The following THSD4 variants were observed in gnomAD, a reference collection of about 807,000 sequenced individuals.
THSD4 encodes the protein thrombospondin type 1 domain containing 4, also known as thrombospondin type-1 domain-containing protein 4.
Under a neutral mutation model 119.0 loss-of-function variants are expected in THSD4, and 69 were observed. The observed-to-expected ratio is 0.58, with a 90% CI of 0.48 to 0.71. THSD4 has a LOEUF of 0.71. Among genes scored for constraint, THSD4 ranks in the 30% least tolerant of loss-of-function variants. The pLI is 0.00. For missense variants in THSD4, 1,393 were observed against 1,391.1 expected, an observed-to-expected ratio of 1.00 and a Z score of -0.02; for synonymous variants, 524 against 540.4, an observed-to-expected ratio of 0.97 and a Z score of 0.42.
intron 7 of THSD4, among the ~76,000 whole-genome samples, chr15:71,593,666 T>C (rs766265781): frequency 6.6e-6 from 1 of 151,848 alleles, no homozygotes; most frequent in Non-Finnish European, 1.5e-5. Flanking sequence ...GAGGCCGAGG[T>C]GGGTGGATTA....
chr15:71,464,210 C>G lies in THSD4; in HGVS notation c.1152+52387C>G, dbSNP rs146701880. On this transcript the variant is annotated intron_variant, in intron 7 of 17. Coordinates refer to ENST00000261862, the MANE Select transcript of THSD4 (RefSeq NM_024817.3). ...TTTCCCATCAGGATGTGACTTCCAT[C>G]GGACCAATCACCATGGGTAGGATAT... Among the ~76,000 whole-genome samples, 187 of 152,286 alleles carry G rather than the reference C, an allele frequency of 1.2e-3. 1 individual carries two copies. Among genetic ancestry groups the G allele is most frequent in the African/African-American group, 4.0e-3 (165 of 41,552 alleles).
At chr15:71,665,413 A>G (rs1031413117) in intron 8 of THSD4, among the ~76,000 whole-genome samples, 2 of 152,024 alleles carry the variant, frequency 1.3e-5, no homozygotes, top group African/African-American at 4.8e-5. Context: ...TGTCTGATGT[A>G]TAGTTTGCAA....
At chr15:71,669,947 A>G (rs16956030) in intron 8 of THSD4, among the ~76,000 whole-genome samples, 61,063 of 151,912 alleles carry the variant, frequency 0.4, 13,153 homozygotes, top group East Asian at 0.89. Flanking sequence ...TTATCTCAAG[A>G]CTCCAATATG....
At chr15:71,322,568 C>T (rs552543814) in intron 6 of THSD4, among the ~76,000 whole-genome samples, 70 of 152,298 alleles carry the variant, frequency 4.6e-4, no homozygotes, top group Non-Finnish European at 8.4e-4. Context: ...TATCTTAAAA[C>T]GTTTCTATAG....
intron 8 of THSD4, among the ~76,000 whole-genome samples, chr15:71,697,322 G>A (rs2052184657): frequency 1.3e-5 from 2 of 152,328 alleles, no homozygotes; most frequent in South Asian, 4.1e-4. Context: ...TCTATGAGAG[G>A]TGCATGAAAT....
chr15:71,715,195 G>A (rs186052826), intron 8 of THSD4, among the ~76,000 whole-genome samples: 1 of 152,306 alleles, frequency 6.6e-6, no homozygotes, highest in East Asian at 1.9e-4. Context: ...GGGTTCATTT[G>A]TGTCTCTACA....
chr15:71,447,690 T>A (rs1396037288), intron 7 of THSD4, among the ~76,000 whole-genome samples: 4 of 152,208 alleles, frequency 2.6e-5, no homozygotes, highest in African/African-American at 9.7e-5. Flanking sequence ...GTTGTGTCAA[T>A]TAGCGATGAC....
intron 7 of THSD4, among the ~76,000 whole-genome samples, chr15:71,585,480 A>G (rs1235091355): frequency 6.6e-6 from 1 of 152,200 alleles, no homozygotes; most frequent in African/African-American, 2.4e-5. Flanking sequence ...ATGAAGAGTC[A>G]CTTTTCTCTT....
At chr15:71,129,137 G>A (rs962067465) in intron 1 of THSD4, among the ~76,000 whole-genome samples, 25 of 152,300 alleles carry the variant, frequency 1.6e-4, no homozygotes, top group African/African-American at 5.1e-4. Context: ...TTATGCCACC[G>A]CTGAAGAAGG....
chr15:71,377,663 G>A (rs1027326423), intron 6 of THSD4, among the ~76,000 whole-genome samples: 1 of 152,012 alleles, frequency 6.6e-6, no homozygotes, highest in African/African-American at 2.4e-5. Flanking sequence ...CAACACCCAG[G>A]GTGCAGTGGG....
intron 6 of THSD4, among the ~76,000 whole-genome samples, chr15:71,382,585 A>G (rs1454747169): frequency 1.3e-5 from 2 of 152,128 alleles, no homozygotes; most frequent in African/African-American, 4.8e-5. Flanking sequence ...TTAACAATAT[A>G]ACACATCCTC....
chr15:71,496,790 C>T (rs1260326567), intron 7 of THSD4, among the ~76,000 whole-genome samples: 3 of 152,126 alleles, frequency 2.0e-5, no homozygotes, highest in Non-Finnish European at 4.4e-5. Context: ...CAGTCTCTAC[C>T]ATAAGCAATA....
chr15:71,197,067 AG>A (rs2140232972), intron 3 of THSD4, among the ~76,000 whole-genome samples: 1 of 152,298 alleles, frequency 6.6e-6, no homozygotes, highest in Admixed American at 6.5e-5. Flanking sequence ...TGCTCTTGAA[AG>A]CCCCAGGAAA....
At chr15:71,508,139 A>C (rs1470818574) in intron 7 of THSD4, among the ~76,000 whole-genome samples, 1 of 152,198 alleles carries the variant, frequency 6.6e-6, no homozygotes, top group African/African-American at 2.4e-5. Flanking sequence ...CTAGACAAGT[A>C]ATTCATATAG....
At chr15:71,679,669 CT>C (rs1181741995) in intron 8 of THSD4, among the ~76,000 whole-genome samples, 1 of 152,260 alleles carries the variant, frequency 6.6e-6, no homozygotes, top group Non-Finnish European at 1.5e-5. Context: ...ACATTTGAGA[CT>C]GCAAATACAG....
At chr15:71,650,340 G>C (rs1028287619) in intron 7 of THSD4, among the ~76,000 whole-genome samples, 4 of 152,178 alleles carry the variant, frequency 2.6e-5, no homozygotes, top group Non-Finnish European at 5.9e-5. Context: ...AAACCTGAAT[G>C]TGCATAGGAA....
chr15:71,290,353 G>A (rs923037159), intron 6 of THSD4, among the ~76,000 whole-genome samples: 1 of 152,202 alleles, frequency 6.6e-6, no homozygotes, highest in Non-Finnish European at 1.5e-5. Flanking sequence ...ATTTGCAACA[G>A]ACCAAGAGAG....
chr15:71,638,054 A>G (rs926980023), intron 7 of THSD4, among the ~76,000 whole-genome samples: 1 of 152,152 alleles, frequency 6.6e-6, no homozygotes, highest in Non-Finnish European at 1.5e-5. Flanking sequence ...CCACTGAACT[A>G]TACCTTAAAA....
intron 3 of THSD4, among the ~76,000 whole-genome samples, chr15:71,166,780 T>C (rs2043298644): frequency 1.3e-5 from 2 of 152,198 alleles, no homozygotes; most frequent in Non-Finnish European, 2.9e-5. Flanking sequence ...GCAACTCTAG[T>C]TGGCCATCAT....
Sources: gnomAD v4.1 joint callset for allele counts (sites outside exome capture counted in the v4.1 genomes callset) on GRCh38, gnomAD v4.1.1 for gene constraint, MANE v1.5 for transcripts, NCBI Gene and HGNC (gene_info 2026-07-23, HGNC 2026-07-21) for gene names.